The following PRELID2 variants were observed in gnomAD, a reference collection of about 807,000 sequenced individuals.
PRELID2 encodes the protein PRELI domain containing 2.
A neutral mutation model predicts 28.4 loss-of-function variants in PRELID2; 25 were observed. That is an observed-to-expected ratio of 0.88 (90% CI 0.64 to 1.23). The LOEUF is 1.23. Ranked by LOEUF, PRELID2 falls within the 50% of genes most tolerant of loss-of-function variation. The probability of loss-of-function intolerance (pLI) is 0.00; values close to 1 mark genes in which losing one functional copy is unlikely to be tolerated. For synonymous variants in PRELID2, 76 were observed against 71.6 expected, an observed-to-expected ratio of 1.06 and a Z score of -0.31; for missense variants, 201 against 214.4, an observed-to-expected ratio of 0.94 and a Z score of 0.39.
At chr5:145,821,104 C>T (rs755418886) in intron 2 of PRELID2, among the ~76,000 whole-genome samples, 2 of 147,740 alleles carry the variant, frequency 1.4e-5, no homozygotes, top group Non-Finnish European at 3.0e-5. Flanking sequence ...TTTAGAGAGA[C>T]AGTTAACAAC....
chr5:145,288,623 G>T, the PRELID2 span, among the ~76,000 whole-genome samples: 26 of 152,080 alleles, frequency 1.7e-4, no homozygotes, highest in Non-Finnish European at 3.2e-4. Flanking sequence ...GAGTATCATT[G>T]CTTCCAAGCT....
the PRELID2 span, chr5:145,229,981 C>G: frequency 1.4e-6 from 1 of 738,382 alleles, no homozygotes; most frequent in South Asian, 1.4e-5. Context: ...ATTGATGACA[C>G]CGGGTTCATC....
At chr5:145,791,260 C>G (rs1268040861) in intron 5 of PRELID2, among the ~76,000 whole-genome samples, 3 of 152,084 alleles carry the variant, frequency 2.0e-5, no homozygotes, top group Admixed American at 6.6e-5. Context: ...ATTCAATTAT[C>G]TCCACCTGGC....
intron 1 of PRELID2, among the ~76,000 whole-genome samples, chr5:145,518,067 C>A (rs1451377899): frequency 6.6e-6 from 1 of 151,602 alleles, no homozygotes; most frequent in African/African-American, 2.4e-5. Flanking sequence ...GTGCAGCAAA[C>A]CACCATGGCA....
At chr5:145,484,589 T>TC (rs35097177) in intron 1 of PRELID2, among the ~76,000 whole-genome samples, 38,118 of 152,080 alleles carry the variant, frequency 0.25, 4,891 homozygotes, top group South Asian at 0.36. Flanking sequence ...TTTCATTGGC[T>TC]CATTTTAAAA....
the PRELID2 span, among the ~76,000 whole-genome samples, chr5:145,297,930 T>A: frequency 6.6e-6 from 1 of 152,118 alleles, no homozygotes; most frequent in African/African-American, 2.4e-5. Flanking sequence ...AAGGACCTCT[T>A]TAAGGAGAAC....
At chr5:145,663,121 G>T (rs569481151) in intron 1 of PRELID2, among the ~76,000 whole-genome samples, 1 of 152,214 alleles carries the variant, frequency 6.6e-6, no homozygotes, top group South Asian at 2.1e-4. Context: ...CATGCTGAGG[G>T]AAGTGCAATG....
the PRELID2 span, among the ~76,000 whole-genome samples, chr5:145,447,237 T>C: frequency 6.6e-6 from 1 of 151,908 alleles, no homozygotes; most frequent in African/African-American, 2.4e-5. Context: ...GGTTGAAAGA[T>C]GTTTTTATAA....
chr5:145,820,097 TG>T, intron 2 of PRELID2, 79 bp from the exon 3 acceptor site: 2 of 834,562 alleles, frequency 2.4e-6, no homozygotes, highest in East Asian at 5.1e-5. Flanking sequence ...CTTGCGGGGG[TG>T]GGGTTTTTTT....
the PRELID2 span, among the ~76,000 whole-genome samples, chr5:145,268,260 T>G: frequency 6.6e-6 from 1 of 152,178 alleles, no homozygotes; most frequent in Non-Finnish European, 1.5e-5. Flanking sequence ...TTTTAGTCAT[T>G]TAAGAGTTTG....
Position 145,514,876 on chromosome 5 carries a change from G to A in PRELID2, n.71-41561C>T, listed in dbSNP as rs185260391. 1.5e-3 allele frequency among the ~76,000 whole-genome samples: 235 copies of A among 152,246 alleles called. 1 individual carries two copies. Among genetic ancestry groups the A allele is most frequent in the African/African-American group, 5.3e-3 (219 of 41,554 alleles). On this transcript the variant is annotated intron_variant and non_coding_transcript_variant, in intron 1 of 2. Transcript: ENST00000510259. ...CTCACTCAAAACCGCACAACTACATGGAAACTGAACAACCTGCTCCTGAAT... is the reference window on the plus strand; with the variant it reads ...CTCACTCAAAACCGCACAACTACATAGAAACTGAACAACCTGCTCCTGAAT...
chr5:145,499,306 C>T (rs1200442493), intron 1 of PRELID2, among the ~76,000 whole-genome samples: 2 of 152,148 alleles, frequency 1.3e-5, no homozygotes, highest in African/African-American at 2.4e-5. Context: ...ATGTTTATTT[C>T]TGCATATGGA....
chr5:145,300,523 T>C, the PRELID2 span, among the ~76,000 whole-genome samples: 11 of 151,860 alleles, frequency 7.2e-5, no homozygotes, highest in Admixed American at 5.3e-4. Flanking sequence ...TAAATCTGAA[T>C]CTCCTTTCTT....
At chr5:145,755,233 G>A (rs1313357272), downstream of PRELID2, among the ~76,000 whole-genome samples, 1 of 152,164 alleles carries the variant, frequency 6.6e-6, no homozygotes, top group Non-Finnish European at 1.5e-5. Flanking sequence ...GGATGCTCAG[G>A]GCATTTTGCT....
the PRELID2 span, among the ~76,000 whole-genome samples, chr5:145,292,313 G>A: frequency 6.6e-6 from 1 of 152,104 alleles, no homozygotes; most frequent in Non-Finnish European, 1.5e-5. Context: ...CAAGACAAGA[G>A]AGGGAATTAT....
intron 1 of PRELID2, among the ~76,000 whole-genome samples, chr5:145,577,213 A>T (rs536832105): frequency 6.6e-6 from 1 of 152,168 alleles, no homozygotes. Flanking sequence ...TCAAAGAAAC[A>T]TGACAGCATC....
Position 145,802,562 on chromosome 5 carries a change from G to A in PRELID2, c.369-6015C>T, listed in dbSNP as rs3910199. On this transcript the variant is annotated intron_variant, in intron 4 of 6. Transcript: ENST00000683046. ...AATACATCTCAATACTTGTGTCATG[G>A]AAAATGAACCAGATATCACAGGAGT... Among the ~76,000 whole-genome samples the A allele has an allele frequency of 7.1e-3, 1,084 of 152,276 alleles. 10 individuals carry two copies. The highest frequency in any genetic ancestry group is 0.011 in the Admixed American group (174 of 15,288).
the PRELID2 span, among the ~76,000 whole-genome samples, chr5:145,232,366 T>C: frequency 6.6e-6 from 1 of 152,160 alleles, no homozygotes; most frequent in Non-Finnish European, 1.5e-5. Context: ...GTGGCTTGCC[T>C]GAGGTCAGCC....
At chr5:145,432,643 G>A in the PRELID2 span, among the ~76,000 whole-genome samples, 13 of 152,042 alleles carry the variant, frequency 8.6e-5, no homozygotes, top group East Asian at 1.6e-3. Context: ...GGGAGATGGC[G>A]GGGGGCACTA....
Sources: gnomAD v4.1 joint callset for allele counts (sites outside exome capture counted in the v4.1 genomes callset) on GRCh38, gnomAD v4.1.1 for gene constraint, MANE v1.5 for transcripts, NCBI Gene and HGNC (gene_info 2026-07-23, HGNC 2026-07-21) for gene names.